The following ADGRE3 variants were observed in gnomAD, a reference collection of about 807,000 sequenced individuals.
ADGRE3 encodes adhesion G protein-coupled receptor E3.
In ADGRE3, 88 loss-of-function variants were observed where a neutral mutation model predicts 80.1. The observed-to-expected ratio is 1.10, with a 90% CI of 0.93 to 1.31. The LOEUF (loss-of-function observed/expected upper bound fraction) is 1.31. Ranked by LOEUF, ADGRE3 falls within the 40% of genes most tolerant of loss-of-function variation. ADGRE3 has a pLI of 0.00. For synonymous variants in ADGRE3, 281 were observed against 294.8 expected (o/e 0.95, Z 0.48); for missense variants, 715 against 776.5 (o/e 0.92, Z 0.94).
chr19:14,657,333 C>T (rs1366644961), intron 5 of ADGRE3, among the ~76,000 whole-genome samples: 4 of 151,986 alleles, frequency 2.6e-5, no homozygotes, highest in African/African-American at 7.3e-5. Flanking sequence ...ATATAAATGC[C>T]GTCAGTTGGC....
chr19:14,628,438 C>G (rs895963991), intron 14 of ADGRE3, among the ~76,000 whole-genome samples: 6 of 151,196 alleles, frequency 4.0e-5, no homozygotes, highest in African/African-American at 1.5e-4. Flanking sequence ...GAATCTGTCT[C>G]AAAAAATAAA....
intron 15 of ADGRE3, among the ~76,000 whole-genome samples, chr19:14,624,172 G>A (rs1349246800): frequency 6.6e-6 from 1 of 150,598 alleles, no homozygotes; most frequent in Non-Finnish European, 1.5e-5. Flanking sequence ...TCGGCTCACT[G>A]CAACCTCTGC....
At chr19:14,644,430 C>T (rs1971345428) in intron 8 of ADGRE3, among the ~76,000 whole-genome samples, 155 bp from the exon 9 acceptor site, 1 of 151,892 alleles carries the variant, frequency 6.6e-6, no homozygotes, top group South Asian at 2.1e-4. Flanking sequence ...AAGCGATTCT[C>T]CTGCCTCAGC....
chr19:14,641,684 TG>T, intron 9 of ADGRE3, 68 bp from the exon 10 acceptor site: 2 of 1,567,598 alleles, frequency 1.3e-6, no homozygotes, highest in Non-Finnish European at 1.7e-6. Flanking sequence ...CTCCTTGAAC[TG>T]GGGCATCCTA....
intron 15 of ADGRE3, among the ~76,000 whole-genome samples, chr19:14,620,930 A>T (rs1294742514): frequency 2.0e-5 from 3 of 151,996 alleles, no homozygotes; most frequent in Non-Finnish European, 2.9e-5. Context: ...CAGCTTTGGG[A>T]ATTATTTTGG....
chr19:14,636,134 CTTT>C lies in ADGRE3; in HGVS notation c.1484+1968_1484+1970del, dbSNP rs1568481386. On this transcript the variant is annotated intron_variant, in intron 11 of 15. Transcript: ENST00000253673. ...TCTTTCTTTCTTTCTTTCTTTCTTT[CTTT>C]CTTTCTTTCTTTCTTCCTTTCCTCC... Among the ~76,000 whole-genome samples the C allele has an allele frequency of 1.2e-4, 10 of 81,340 alleles. 2 individuals are homozygous for C. Among genetic ancestry groups the C allele is most frequent in the African/African-American group, 3.1e-4 (7 of 22,818 alleles). 53.4% of individuals were successfully genotyped at this position (81,340 alleles called of 152,430 possible).
chr19:14,662,542 C>T (rs937259437), intron 3 of ADGRE3, among the ~76,000 whole-genome samples: 2 of 152,092 alleles, frequency 1.3e-5, no homozygotes, highest in Non-Finnish European at 2.9e-5. Context: ...TGCACCACCA[C>T]GCCCGGCTGA....
intron 2 of ADGRE3, among the ~76,000 whole-genome samples, chr19:14,666,788 C>T (rs1313583838): frequency 6.6e-6 from 1 of 152,160 alleles, no homozygotes; most frequent in Admixed American, 6.5e-5. Flanking sequence ...GTACCCTCTG[C>T]CACTCATTTC....
chr19:14,644,460 A>G (rs757514429), intron 8 of ADGRE3, among the ~76,000 whole-genome samples, 185 bp from the exon 9 acceptor site: 5 of 152,022 alleles, frequency 3.3e-5, no homozygotes, highest in African/African-American at 9.7e-5. Flanking sequence ...AGCTGGGATT[A>G]CAGACGTGCA....
chr19:14,607,362 C>A, the ADGRE3 span, among the ~76,000 whole-genome samples: 1 of 129,254 alleles, frequency 7.7e-6, no homozygotes, highest in Non-Finnish European at 1.8e-5. Context: ...CATCACCATG[C>A]CCGGCTAATT....
At chr19:14,641,752 G>T in intron 9 of ADGRE3, 136 bp from the exon 10 acceptor site, 1 of 1,049,380 alleles carries the variant, frequency 9.5e-7, no homozygotes, top group Non-Finnish European at 1.4e-6. Context: ...AATGTAGATT[G>T]CTAATGTAGA....
At chr19:14,636,070 C>CT (rs1568481077) in intron 11 of ADGRE3, among the ~76,000 whole-genome samples, 1 of 103,154 alleles carries the variant, frequency 9.7e-6, no homozygotes, top group Non-Finnish European at 1.9e-5. Context: ...CCTTTCCTTT[C>CT]CTTTCCTTTC....
intron 14 of ADGRE3, chr19:14,628,766 G>A (rs1302539070): frequency 1.3e-5 from 4 of 319,152 alleles, no homozygotes; most frequent in Admixed American, 1.2e-4. Flanking sequence ...GGAAGGCTGT[G>A]TGATCCTGGA....
the ADGRE3 span, among the ~76,000 whole-genome samples, chr19:14,605,434 G>T: frequency 6.6e-6 from 1 of 152,174 alleles, no homozygotes; most frequent in East Asian, 1.9e-4. Context: ...TTGGTGGTAA[G>T]TTGGGTGAGT....
chr19:14,614,887 A>T (rs1383109145), downstream of ADGRE3, among the ~76,000 whole-genome samples: 10 of 141,628 alleles, frequency 7.1e-5, no homozygotes, highest in Non-Finnish European at 1.1e-4. Context: ...CCCGGCCCCC[A>T]TTTTTTTTTT....
intron 14 of ADGRE3, chr19:14,628,812 G>T: frequency 4.7e-6 from 1 of 215,016 alleles, no homozygotes; most frequent in Non-Finnish European, 9.3e-6. Flanking sequence ...AGCTTTAAGG[G>T]GCAGATATCA....
chr19:14,614,252 G>A (rs1568468454), downstream of ADGRE3, among the ~76,000 whole-genome samples: 1 of 152,184 alleles, frequency 6.6e-6, no homozygotes, highest in Non-Finnish European at 1.5e-5. Context: ...GTCAGGGGAA[G>A]TTCCCACATT....
chr19:14,614,571 C>T (rs912378425), downstream of ADGRE3, among the ~76,000 whole-genome samples: 7 of 151,300 alleles, frequency 4.6e-5, no homozygotes, highest in Non-Finnish European at 1.0e-4. Context: ...TATTTACCAA[C>T]GCCCGCCAAT....
rs865864722 is a variant in ADGRE3 at position 14,620,538 on chromosome 19, T to A, written c.1921-1067A>T. On this transcript the variant is annotated intron_variant, in intron 15 of 15. Coordinates refer to ENST00000253673, the MANE Select transcript of ADGRE3 (RefSeq NM_032571.5). ...TGACTATATATGAATATATATATTT[T>A]ATATATATATTATATATATATATAT... 1.4e-3 allele frequency among the ~76,000 whole-genome samples: 22 copies of A among 15,174 alleles called. 1 individual carries two copies. Among genetic ancestry groups the A allele is most frequent in the East Asian group, 2.5e-3 (2 of 802 alleles). 10.0% of individuals were successfully genotyped at this position (15,174 alleles called of 152,430 possible).
Sources: gnomAD v4.1 joint callset for allele counts (sites outside exome capture counted in the v4.1 genomes callset) on GRCh38, gnomAD v4.1.1 for gene constraint, MANE v1.5 for transcripts, NCBI Gene and HGNC (gene_info 2026-07-23, HGNC 2026-07-21) for gene names.